MARF1: variants seen among roughly 807,000 people sequenced by gnomAD.
MARF1 encodes the protein meiosis regulator and mRNA stability factor 1.
In MARF1, 24 loss-of-function variants were observed where a neutral mutation model predicts 168.2. The observed-to-expected ratio is 0.14, with a 90% confidence interval of 0.10 to 0.20. The LOEUF (loss-of-function observed/expected upper bound fraction) is 0.20, where lower values mean the gene tolerates loss of function less well. Among genes scored for constraint, MARF1 ranks in the 10% least tolerant of loss-of-function variants. The probability of loss-of-function intolerance (pLI) is 1.00; values close to 1 mark genes in which losing one functional copy is unlikely to be tolerated. For synonymous variants in MARF1, 868 were observed against 822.4 expected (o/e 1.06, Z -0.95); for missense variants, 1,744 against 2,143.6 (o/e 0.81, Z 3.68).
chr16:15,597,786 A>G (rs2031896644), intron 26 of MARF1, among the ~76,000 whole-genome samples: 2 of 152,204 alleles, frequency 1.3e-5, no homozygotes, highest in Non-Finnish European at 2.9e-5. Flanking sequence ...CTGAAGGCAC[A>G]AAGGCCACAA....
rs749523482 is a variant in MARF1, at chr16:15,634,910, C to A, written c.853G>T (p.Asp285Tyr). Residue 285 changes from aspartate (D) to tyrosine (Y), a missense_variant, in exon 4 of 27, where the codon GAT (aspartate) becomes TAT (tyrosine). Physicochemically the swap from Asp to Tyr is radical, Grantham distance 160 (BLOSUM62 -3). This residue lies in a region of MARF1 where 217 missense variants were observed against 372.4 expected (regional missense o/e 0.58). Coordinates refer to ENST00000396368, the MANE Select transcript of MARF1 (RefSeq NM_014647.4). ...LNKPARNSII[D>Y]AAKVWPNIPP... ...ATATTTGGCCAGACTTTAGCCGCAT[C>A]GATTATGCTATTTCTTGCTGGCTGT... The A allele has an allele frequency of 6.2e-7, 1 of 1,612,814 alleles. No homozygotes were observed. The highest frequency in any genetic ancestry group is 8.5e-7 in the Non-Finnish European group (1 of 1,179,542).
chr16:15,611,147 TATC>T, intron 18 of MARF1, 39 bp from the exon 19 acceptor site: 1 of 1,600,236 alleles, frequency 6.2e-7, no homozygotes, highest in Non-Finnish European at 8.6e-7. Context: ...GAATGAGTAG[TATC>T]ATCGGTAGAA....
In MARF1 at chr16:15,601,681, G is replaced by A. The variant is rs762295649; in HGVS notation, c.4626+310C>T. 2.9e-5 allele frequency: 13 copies of A among 449,450 alleles called. 1 individual carries two copies. The highest frequency in any genetic ancestry group is 1.7e-4 in the South Asian group (6 of 34,904). 27.8% of individuals were successfully genotyped at this position (449,450 alleles called of 1,614,324 possible). On this transcript the variant is annotated intron_variant, in intron 23 of 26. Coordinates refer to ENST00000396368, the MANE Select transcript of MARF1 (RefSeq NM_014647.4). ...GGGCCCTGACACGGCCCTCCTCAGCGCGCCCACTGCCCTGACCGCCCTGAC... is the reference window on the plus strand; with the variant it reads ...GGGCCCTGACACGGCCCTCCTCAGCACGCCCACTGCCCTGACCGCCCTGAC...
At chr16:15,637,000 T>C (rs2035642764) in intron 2 of MARF1, among the ~76,000 whole-genome samples, 1 of 152,014 alleles carries the variant, frequency 6.6e-6, no homozygotes, top group Admixed American at 6.5e-5. Context: ...CCAAGACAAA[T>C]AGTTTGCCAC....
chr16:15,634,564 C>A (rs1399008942), intron 4 of MARF1, among the ~76,000 whole-genome samples, 193 bp downstream of exon 4: 1 of 152,002 alleles, frequency 6.6e-6, no homozygotes, highest in Non-Finnish European at 1.5e-5. Flanking sequence ...ATAGCCTCGG[C>A]CCAACATAAA....
At chr16:15,629,014 C>T (rs1032921703) in intron 7 of MARF1, among the ~76,000 whole-genome samples, 1 of 150,756 alleles carries the variant, frequency 6.6e-6, no homozygotes, top group Non-Finnish European at 1.5e-5. Context: ...TGGGCAAGTT[C>T]TTACCTAAAA....
chr16:15,604,595 G>A (rs1022971971), intron 21 of MARF1, among the ~76,000 whole-genome samples, 197 bp from the exon 22 acceptor site: 1 of 152,148 alleles, frequency 6.6e-6, no homozygotes, highest in African/African-American at 2.4e-5. Context: ...AGCAGAAACT[G>A]TCCTCCCCCT....
intron 13 of MARF1, among the ~76,000 whole-genome samples, chr16:15,618,980 A>G (rs748344639): frequency 5.8e-4 from 89 of 152,208 alleles, no homozygotes; most frequent in Non-Finnish European, 1.1e-3. Context: ...TTGCTACATA[A>G]AACTAGTTAC....
intron 10 of MARF1, 86 bp from the exon 11 acceptor site, chr16:15,623,209 AT>A (rs2034590848): frequency 2.0e-6 from 2 of 1,006,492 alleles, no homozygotes; most frequent in Admixed American, 6.9e-5. Flanking sequence ...TTGAAACTAT[AT>A]ACAGAAGCAG....
intron 26 of MARF1, 136 bp downstream of exon 26, chr16:15,598,718 C>G (rs1159336474): frequency 3.4e-6 from 3 of 873,906 alleles, no homozygotes; most frequent in Non-Finnish European, 5.3e-6. Flanking sequence ...GAAAGAAGGT[C>G]GAATAATCAG....
chr16:15,607,605 G>A lies in MARF1; in HGVS notation c.4182+686C>T, dbSNP rs115814375. 4.1e-3 allele frequency among the ~76,000 whole-genome samples: 626 copies of A among 152,310 alleles called. 7 individuals carry two copies. The highest frequency in any genetic ancestry group is 0.014 in the African/African-American group (581 of 41,570). ...GAGTGAACCCGTTCTGGCTGTTTACGGAATTAAATGACACAGAAATGTGTG... is the reference window on the plus strand; with the variant it reads ...GAGTGAACCCGTTCTGGCTGTTTACAGAATTAAATGACACAGAAATGTGTG... On this transcript the variant is annotated intron_variant, in intron 21 of 26. Coordinates refer to ENST00000396368, the MANE Select transcript of MARF1 (RefSeq NM_014647.4).
At chr16:15,639,815 T>C (rs1341280483) in intron 1 of MARF1, among the ~76,000 whole-genome samples, 1 of 152,252 alleles carries the variant, frequency 6.6e-6, no homozygotes, top group East Asian at 1.9e-4. Context: ...GTTGACTGTT[T>C]ATGCTTAAAA....
chr16:15,637,705 T>C (rs1596509073), intron 2 of MARF1, among the ~76,000 whole-genome samples: 1 of 152,156 alleles, frequency 6.6e-6, no homozygotes, highest in African/African-American at 2.4e-5. Flanking sequence ...GAGGACCAGA[T>C]CTACCACCCC....
chr16:15,631,630 G>A (rs1355397969), intron 5 of MARF1, 132 bp from the exon 6 acceptor site: 1 of 510,782 alleles, frequency 2.0e-6, no homozygotes, highest in Non-Finnish European at 3.4e-6. Flanking sequence ...AGAACGTGCA[G>A]GTTTGTTACA....
chr16:15,627,899 T>C (rs958574054), intron 7 of MARF1, among the ~76,000 whole-genome samples: 2 of 152,208 alleles, frequency 1.3e-5, no homozygotes, highest in Non-Finnish European at 2.9e-5. Context: ...GAGTGTAAAT[T>C]AGTACCACCT....
At chr16:15,639,056 A>G in intron 2 of MARF1, 34 bp downstream of exon 2, 1 of 1,594,646 alleles carries the variant, frequency 6.3e-7, no homozygotes, top group South Asian at 1.1e-5. Context: ...TTGGATGAGG[A>G]ATCTGCTACA....
intron 3 of MARF1, chr16:15,635,230 G>C: frequency 2.4e-6 from 1 of 416,998 alleles, no homozygotes. Context: ...GGGTAGCAAA[G>C]TCTCACTTGA....
chr16:15,639,124 C>A lies in MARF1; in HGVS notation c.110G>T (p.Arg37Leu). ...WLWKFSNCFS[R>L]PEQTLPHSPQ... ...ACTATGTGGCAGCGTCTGCTCAGGA[C>A]GAGAAAAGCAATTAGAGAATTTCCA... The change falls in exon 2 of 27, where the codon CGT (arginine) becomes CTT (leucine). Residue 37 changes from arginine (R) to leucine (L), a missense_variant. By Grantham distance (102) the Arg-to-Leu change is moderately radical. This residue lies in a region of MARF1 where 318 missense variants were observed against 336.6 expected (regional missense o/e 0.94). Transcript: ENST00000396368. 1.9e-6 allele frequency: 3 copies of A among 1,614,078 alleles called. No homozygotes were observed. Among genetic ancestry groups the A allele is most frequent in the Non-Finnish European group, 2.5e-6 (3 of 1,180,008 alleles).
chr16:15,627,405 G>A (rs1463051951), intron 7 of MARF1, among the ~76,000 whole-genome samples: 2 of 152,156 alleles, frequency 1.3e-5, no homozygotes, highest in African/African-American at 4.8e-5. Flanking sequence ...GATCACCTGA[G>A]GTCAGAAGTT....
Sources: gnomAD v4.1 joint callset for allele counts (sites outside exome capture counted in the v4.1 genomes callset) on GRCh38, gnomAD v4.1.1 for gene constraint, gnomAD v4.1.1 regional missense constraint, MANE v1.5 for transcripts, NCBI Gene and HGNC (gene_info 2026-07-23, HGNC 2026-07-21) for gene names.